Variants in NGDN observed in about 807,000 individuals in gnomAD.
NGDN encodes neuroguidin.
NGDN carries 41 observed loss-of-function variants against 45.2 expected under a neutral mutation model. The observed-to-expected ratio is 0.91, with a 90% CI of 0.71 to 1.18. The LOEUF (loss-of-function observed/expected upper bound fraction) is 1.18, where lower values mean the gene tolerates loss of function less well. Ranked by LOEUF, NGDN falls within the 50% of genes most tolerant of loss-of-function variation. The pLI is 0.00. For synonymous variants in NGDN, 137 were observed against 130.9 expected (o/e 1.05, Z -0.32); for missense variants, 402 against 399.9 (o/e 1.01, Z -0.05).
At chr14:23,474,920 G>C (rs574485528) in intron 3 of NGDN, among the ~76,000 whole-genome samples, 2 of 151,992 alleles carry the variant, frequency 1.3e-5, no homozygotes, top group African/African-American at 4.8e-5. Context: ...GTCTTTTTTG[G>C]GGGGGTAGTT....
At chr14:23,477,923 C>T (rs1331095616) in intron 10 of NGDN, 84 bp from the exon 11 acceptor site, 1 of 1,613,092 alleles carries the variant, frequency 6.2e-7, no homozygotes, top group African/African-American at 1.3e-5. Flanking sequence ...CCCTGTGAGC[C>T]CTTCCCTCTA....
chr14:23,472,749 T>A (rs564693089), intron 3 of NGDN, among the ~76,000 whole-genome samples: 14 of 152,312 alleles, frequency 9.2e-5, no homozygotes, highest in Middle Eastern at 3.4e-3. Context: ...TGAAGGAGTT[T>A]TAAGCACAGG....
chr14:23,478,799 G>A, downstream of NGDN: 1 of 66,898 alleles, frequency 1.5e-5, no homozygotes, highest in Non-Finnish European at 2.9e-5. Context: ...TCTATAAAGA[G>A]CTGGCAAAAA....
chr14:23,475,278 T>C lies in NGDN; in HGVS notation c.252T>C (p.Asp84=). 1 of 1,613,916 alleles carries C rather than the reference T, an allele frequency of 6.2e-7. No homozygotes were observed. ...KASGGSLQGH[D]AVLRLVEIRT... is the part of the protein sequence containing the mutation. Reference sequence around the variant, plus strand: ...CAGGAGGATCTCTTCAGGGACATGATGCAGTTTTGAGACTGGTGGAGATTC... The same window carrying C: ...CAGGAGGATCTCTTCAGGGACATGACGCAGTTTTGAGACTGGTGGAGATTC... The change falls in exon 4 of 11, where the codon GAT becomes GAC. Residue 84 remains aspartate (D), a synonymous_variant. Transcript: ENST00000408901.
Position 23,470,969 on chromosome 14 carries a change from A to T in NGDN, c.136A>T (p.Thr46Ser). 6.5e-7 allele frequency: 1 copy of T among 1,545,712 alleles called. No homozygotes were observed. Among genetic ancestry groups the T allele is most frequent in the Non-Finnish European group, 8.7e-7 (1 of 1,151,922 alleles). ...AAAAGTTCAAGCTGGTGCCTATCCTACAGAAAAGGTAAGATGTACTCAAAC... is the reference window on the plus strand; with the variant it reads ...AAAAGTTCAAGCTGGTGCCTATCCTTCAGAAAAGGTAAGATGTACTCAAAC... ...TQKVQAGAYP[T>S]EKGLSFLEVK... Residue 46 changes from threonine to serine, a missense_variant, in exon 3 of 11, where the codon ACA (threonine) becomes TCA (serine). By Grantham distance (58) the Thr-to-Ser change is moderately conservative. Coordinates refer to ENST00000408901, the MANE Select transcript of NGDN (RefSeq NM_001042635.2).
chr14:23,476,469 C>T, intron 8 of NGDN, 62 bp downstream of exon 8: 1 of 1,345,366 alleles, frequency 7.4e-7, no homozygotes, highest in Non-Finnish European at 1.0e-6. Context: ...ATGCTTTATA[C>T]TAATGTGACT....
intron 3 of NGDN, among the ~76,000 whole-genome samples, chr14:23,474,573 C>CG (rs533049930): frequency 6.6e-6 from 1 of 151,498 alleles, no homozygotes; most frequent in Non-Finnish European, 1.5e-5. Flanking sequence ...CATCATATCC[C>CG]CCCCTACACA....
At chr14:23,469,991 T>C in intron 1 of NGDN, 51 bp from the exon 2 acceptor site, 2 of 1,586,860 alleles carry the variant, frequency 1.3e-6, no homozygotes, top group Non-Finnish European at 1.7e-6. Context: ...CACTTTCCTA[T>C]AATCCTGAGG....
chr14:23,475,835 C>T (rs1383496427), intron 6 of NGDN, 57 bp downstream of exon 6: 10 of 1,538,006 alleles, frequency 6.5e-6, no homozygotes, highest in Non-Finnish European at 8.0e-6. Context: ...CCTAGATGAG[C>T]CTCTTGGTGA....
intron 3 of NGDN, chr14:23,471,196 G>A (rs948779329): frequency 5.2e-6 from 2 of 386,712 alleles, no homozygotes; most frequent in East Asian, 3.8e-5. Context: ...TCCAGCCAAA[G>A]AGAGGGATTA....
At chr14:23,475,816 G>A (rs529446897) in intron 6 of NGDN, 38 bp downstream of exon 6, 20 of 1,595,460 alleles carry the variant, frequency 1.3e-5, no homozygotes, top group Non-Finnish European at 1.7e-5. Flanking sequence ...TTTTTCTGAG[G>A]CAGCTATACC....
chr14:23,474,745 C>G (rs962649979), intron 3 of NGDN, among the ~76,000 whole-genome samples: 5 of 152,124 alleles, frequency 3.3e-5, no homozygotes, highest in African/African-American at 1.2e-4. Flanking sequence ...TAATTTAAAA[C>G]TTGGCAGTCT....
chr14:23,478,640 A>C (rs1449919976), downstream of NGDN: 1 of 151,974 alleles, frequency 6.6e-6, no homozygotes, highest in Non-Finnish European at 1.5e-5. Context: ...ATCTTTGGTC[A>C]GTTACTGAGG....
chr14:23,476,950 TTAAA>T (rs1334072439), intron 8 of NGDN, among the ~76,000 whole-genome samples: 1 of 152,214 alleles, frequency 6.6e-6, no homozygotes, highest in Non-Finnish European at 1.5e-5. Flanking sequence ...GTGTAATATT[TTAAA>T]TAATATTGTG....
intron 3 of NGDN, chr14:23,471,248 C>T: frequency 3.0e-6 from 1 of 335,586 alleles, no homozygotes; most frequent in Non-Finnish European, 5.4e-6. Flanking sequence ...ACAGGCTTCC[C>T]AGAGGAGGTG....
At chr14:23,478,804 CAAAAAAAAAAAA>C (rs3045743), downstream of NGDN, 2 of 33,958 alleles carry the variant, frequency 5.9e-5, no homozygotes, top group South Asian at 1.9e-3. Flanking sequence ...AAAGAGCTGG[CAAAAAAAAAAAA>C]AAAAAAAAAA....
chr14:23,473,244 C>G (rs909098443), intron 3 of NGDN, among the ~76,000 whole-genome samples: 14 of 152,126 alleles, frequency 9.2e-5, no homozygotes, highest in African/African-American at 2.9e-4. Context: ...GGTGATCCAC[C>G]CACCTCGGCA....
At chr14:23,478,193 A>G (rs771977927), downstream of NGDN, 7 of 673,316 alleles carry the variant, frequency 1.0e-5, no homozygotes, top group Non-Finnish European at 1.7e-5. Context: ...CTTTTTGCAC[A>G]TGTATTGTAC....
In NGDN at chr14:23,477,417, G is replaced by A; in HGVS notation, c.870+61G>A. The A allele has an allele frequency of 2.5e-6, 4 of 1,611,910 alleles. No individual in the cohort carries two copies. The South Asian group carries it at 4.4e-5, about 18-fold the overall frequency. On this transcript the variant is annotated intron_variant, in intron 9 of 10. Transcript: ENST00000408901. ...TTCATGCTTTCAGCAAAATGTATGTGGGGCTTATTACCATGAGGAACTTGG... is the reference window on the plus strand; with the variant it reads ...TTCATGCTTTCAGCAAAATGTATGTAGGGCTTATTACCATGAGGAACTTGG...
Sources: allele counts gnomAD v4.1 joint callset (sites outside exome capture counted in the v4.1 genomes callset), GRCh38; gene constraint gnomAD v4.1.1; transcripts MANE v1.5; gene names NCBI Gene and HGNC (gene_info 2026-07-23, HGNC 2026-07-21).